Variants in SNX29 observed in about 807,000 individuals in gnomAD.
SNX29 encodes sorting nexin-29.
Under a neutral mutation model 102.1 loss-of-function variants are expected in SNX29, and 78 were observed. That is an observed-to-expected ratio of 0.76 (90% confidence interval 0.64 to 0.92). The LOEUF (loss-of-function observed/expected upper bound fraction) is 0.92, where lower values mean the gene tolerates loss of function less well. SNX29 is among the 40% of genes least tolerant of loss of function. The probability of loss-of-function intolerance (pLI) is 0.00; values close to 1 mark genes in which losing one functional copy is unlikely to be tolerated. For missense variants in SNX29, 1,280 were observed against 1,061.7 expected, an observed-to-expected ratio of 1.21 and a Z score of -2.86; for synonymous variants, 580 against 414.5, an observed-to-expected ratio of 1.40 and a Z score of -4.85.
chr16:12,333,830 C>T (rs1167586765), intron 15 of SNX29, among the ~76,000 whole-genome samples: 3 of 152,068 alleles, frequency 2.0e-5, no homozygotes, highest in African/African-American at 7.2e-5. Context: ...TAGAAAAGGC[C>T]ATGTTTAGCC....
At chr16:12,017,185 C>G (rs1295633126) in intron 3 of SNX29, among the ~76,000 whole-genome samples, 1 of 152,158 alleles carries the variant, frequency 6.6e-6, no homozygotes, top group African/African-American at 2.4e-5. Flanking sequence ...TATAGCAATT[C>G]ATATTTCTAT....
At chr16:12,506,440 A>C (rs2151907057) in intron 19 of SNX29, among the ~76,000 whole-genome samples, 1 of 152,332 alleles carries the variant, frequency 6.6e-6, no homozygotes, top group African/African-American at 2.4e-5. Flanking sequence ...TGCTCCTGAC[A>C]AGGCCATGAA....
intron 15 of SNX29, among the ~76,000 whole-genome samples, chr16:12,302,742 T>G (rs1291945661): frequency 6.6e-6 from 1 of 152,248 alleles, no homozygotes; most frequent in Non-Finnish European, 1.5e-5. Flanking sequence ...TCTTTCACTT[T>G]GGAAACTTCC....
intron 13 of SNX29, among the ~76,000 whole-genome samples, chr16:12,130,816 G>A (rs1196558977): frequency 3.3e-5 from 5 of 151,776 alleles, no homozygotes; most frequent in Admixed American, 3.3e-4. Flanking sequence ...GCTCTCGTTG[G>A]TCTGCGTGGG....
At chr16:12,484,654 A>G (rs2088138647) in intron 19 of SNX29, among the ~76,000 whole-genome samples, 1 of 151,618 alleles carries the variant, frequency 6.6e-6, no homozygotes, top group Non-Finnish European at 1.5e-5. Flanking sequence ...GGGCCTTTGC[A>G]CCTGTCACAC....
At chr16:12,036,334 CTTTT>C in intron 4 of SNX29, among the ~76,000 whole-genome samples, 1 of 78,502 alleles carries the variant, frequency 1.3e-5, no homozygotes, top group Admixed American at 1.5e-4. Flanking sequence ...TTCTTTCTTT[CTTTT>C]TTTTTTTTTT....
At chr16:12,566,758 C>CCTAAAGGAGGAAAG (rs2079028495) in intron 20 of SNX29, among the ~76,000 whole-genome samples, 1 of 152,132 alleles carries the variant, frequency 6.6e-6, no homozygotes, top group South Asian at 2.1e-4. Flanking sequence ...CAGACACCCA[C>CCTAAAGGAGGAAAG]CTAAAGGAGG....
chr16:12,002,862 C>A, intron 2 of SNX29, 129 bp from the exon 3 acceptor site: 1 of 974,202 alleles, frequency 1.0e-6, no homozygotes, highest in Non-Finnish European at 1.6e-6. Flanking sequence ...CAGGGACGTC[C>A]TCACTTGGCA....
chr16:12,042,850 T>C (rs1193101604), intron 4 of SNX29, 47 bp from the exon 5 acceptor site: 51 of 1,560,754 alleles, frequency 3.3e-5, no homozygotes, highest in Non-Finnish European at 4.3e-5. Flanking sequence ...CTCCCAGTGC[T>C]GAGTGCCCCA....
intron 10 of SNX29, among the ~76,000 whole-genome samples, chr16:12,075,492 G>T (rs1329268750): frequency 6.6e-6 from 1 of 152,198 alleles, no homozygotes; most frequent in African/African-American, 2.4e-5. Context: ...TTCGTGATCC[G>T]CGAATGCTGC....
chr16:12,570,077 T>C lies in SNX29; in HGVS notation c.*1448T>C. ...CATCTCTGGAGAATCATCTGGAAGG[T>C]TTATACTGTGCCTTCCCCTCGTAGC... is the stretch of plus-strand genomic sequence containing the variant. On this transcript the variant is annotated 3_prime_UTR_variant, in exon 21 of 21. Coordinates refer to ENST00000566228, the MANE Select transcript of SNX29 (RefSeq NM_032167.5). 2.7e-6 allele frequency: 2 copies of C among 740,782 alleles called. No individual in the cohort carries two copies. The highest frequency in any genetic ancestry group is 3.4e-6 in the Non-Finnish European group (2 of 583,448). 45.9% of individuals were successfully genotyped at this position (740,782 alleles called of 1,614,324 possible). A position where few individuals can be genotyped will look rare whatever the true frequency, so the allele number is the denominator to read the frequency against.
intron 20 of SNX29, among the ~76,000 whole-genome samples, chr16:12,562,734 T>C (rs113100993): frequency 1.8e-4 from 28 of 152,324 alleles, no homozygotes; most frequent in African/African-American, 5.8e-4. Context: ...TTTCTCGCTT[T>C]TATGGCATAG....
At chr16:12,502,794 C>A (rs1403176615) in intron 19 of SNX29, among the ~76,000 whole-genome samples, 1 of 152,188 alleles carries the variant, frequency 6.6e-6, no homozygotes, top group Non-Finnish European at 1.5e-5. Context: ...CAGTGGAAAG[C>A]AATCACAGGT....
chr16:12,371,866 C>T (rs1035414690), intron 16 of SNX29, among the ~76,000 whole-genome samples: 1 of 152,242 alleles, frequency 6.6e-6, no homozygotes, highest in Non-Finnish European at 1.5e-5. Context: ...TCTGCTCTTT[C>T]TCCACCGAGT....
At chr16:12,410,905 C>CTTT (rs2084371542) in intron 18 of SNX29, among the ~76,000 whole-genome samples, 1 of 152,208 alleles carries the variant, frequency 6.6e-6, no homozygotes, top group African/African-American at 2.4e-5. Flanking sequence ...CGTTTCTCAG[C>CTTT]TCTTCCTTTT....
chr16:12,124,004 G>T (rs536698408), intron 11 of SNX29, among the ~76,000 whole-genome samples: 2 of 152,292 alleles, frequency 1.3e-5, no homozygotes, highest in South Asian at 4.1e-4. Flanking sequence ...GATATCATTT[G>T]CTGGGATCTC....
chr16:12,551,961 C>T (rs1290532542), intron 20 of SNX29, among the ~76,000 whole-genome samples: 1 of 152,192 alleles, frequency 6.6e-6, no homozygotes, highest in Non-Finnish European at 1.5e-5. Flanking sequence ...CCCAGCCAGG[C>T]TGTGCCCAAC....
chr16:12,568,482 C>T, intron 20 of SNX29, 24 bp from the exon 21 acceptor site: 4 of 1,607,974 alleles, frequency 2.5e-6, no homozygotes, highest in Non-Finnish European at 3.4e-6. Context: ...CAGACTTAAC[C>T]CGATTCTCTC....
At chr16:12,037,137 C>A (rs1023290131) in intron 4 of SNX29, among the ~76,000 whole-genome samples, 1 of 152,124 alleles carries the variant, frequency 6.6e-6, no homozygotes, top group East Asian at 1.9e-4. Context: ...TCCCTCCTTA[C>A]GGGTCATATT....
Sources: allele counts gnomAD v4.1 joint callset (sites outside exome capture counted in the v4.1 genomes callset), GRCh38; gene constraint gnomAD v4.1.1; transcripts MANE v1.5; gene names NCBI Gene and HGNC (gene_info 2026-07-23, HGNC 2026-07-21).